Variants in HLA-DRB1 observed in about 807,000 individuals in gnomAD.
The protein encoded by HLA-DRB1 is major histocompatibility complex, class II, DR beta 1.
HLA-DRB1 carries 10 observed loss-of-function variants against 27.9 expected under a neutral mutation model. The observed-to-expected ratio is 0.36, with a 90% CI of 0.22 to 0.61. The LOEUF is 0.61. Ranked by LOEUF, HLA-DRB1 falls within the 20% of genes least tolerant of loss-of-function variation. The pLI, the probability that HLA-DRB1 is intolerant of heterozygous loss-of-function variation, is 0.73. For missense variants in HLA-DRB1, 118 were observed against 306.3 expected, an observed-to-expected ratio of 0.39 and a Z score of 4.59; for synonymous variants, 57 against 126.7, an observed-to-expected ratio of 0.45 and a Z score of 3.69.
At chr6:32,581,391 T>C (rs796249553) in intron 3 of HLA-DRB1, among the ~76,000 whole-genome samples, 166 bp downstream of exon 3, 1,705 of 59,908 alleles carry the variant, frequency 0.028, no homozygotes, top group East Asian at 0.049. Flanking sequence ...GGTACAGGTG[T>C]TTCTAGAAAC....
intron 1 of HLA-DRB1, among the ~76,000 whole-genome samples, chr6:32,584,686 G>C (rs41287319): frequency 0.44 from 45,114 of 102,430 alleles, 8,132 homozygotes; most frequent in Middle Eastern, 0.49. Context: ...CGCAGCCCGC[G>C]CCGCCTCCTC....
chr6:32,587,584 G>T (rs28724150), intron 1 of HLA-DRB1, among the ~76,000 whole-genome samples: 11,971 of 52,582 alleles, frequency 0.23, 2,044 homozygotes, highest in Middle Eastern at 0.47. Context: ...AACACATCAG[G>T]GCTTTCCCCC....
intron 1 of HLA-DRB1, among the ~76,000 whole-genome samples, chr6:32,584,813 G>C (rs112530924): frequency 0.17 from 14,590 of 86,486 alleles, 627 homozygotes; most frequent in Admixed American, 0.22. Flanking sequence ...CTTGTGCCAG[G>C]CCTGCGCTGC....
intron 1 of HLA-DRB1, among the ~76,000 whole-genome samples, chr6:32,587,771 C>A (rs35205687): frequency 0.031 from 3,111 of 100,992 alleles, 142 homozygotes; most frequent in East Asian, 0.043. Flanking sequence ...CACTATGACT[C>A]TCTAACATTA....
At chr6:32,586,398 T>G (rs1179142014) in intron 1 of HLA-DRB1, among the ~76,000 whole-genome samples, 1 of 95,528 alleles carries the variant, frequency 1.0e-5, no homozygotes, top group Non-Finnish European at 2.1e-5. Flanking sequence ...TGCTTCTCTA[T>G]CATATTCTCA....
At chr6:32,585,886 C>G (rs34700166) in intron 1 of HLA-DRB1, among the ~76,000 whole-genome samples, 1 of 110,526 alleles carries the variant, frequency 9.0e-6, no homozygotes, top group African/African-American at 3.7e-5. Flanking sequence ...ACAGATACAA[C>G]AGGATCATTA....
intron 2 of HLA-DRB1, among the ~76,000 whole-genome samples, 173 bp from the exon 3 acceptor site, chr6:32,582,011 G>C (rs370953466): frequency 0.012 from 1,530 of 126,604 alleles, 38 homozygotes; most frequent in South Asian, 0.042. Context: ...TTGACAGTGA[G>C]GACCCATTAG....
At chr6:32,586,523 T>C (rs9270088) in intron 1 of HLA-DRB1, among the ~76,000 whole-genome samples, 28,680 of 50,878 alleles carry the variant, frequency 0.56, 11,463 homozygotes, top group Middle Eastern at 0.71. Context: ...TCCAGCATCC[T>C]TGGGCTCTTT....
intron 1 of HLA-DRB1, among the ~76,000 whole-genome samples, chr6:32,584,814 C>T (rs9269991): frequency 0.14 from 12,064 of 84,114 alleles, 101 homozygotes; most frequent in East Asian, 0.2. Flanking sequence ...TTGTGCCAGG[C>T]CTGCGCTGCC....
chr6:32,584,076 G>A (rs9269938), intron 2 of HLA-DRB1, 33 bp downstream of exon 2: 177,346 of 386,996 alleles, frequency 0.46, 80,487 homozygotes, highest in Admixed American at 0.81. Context: ...CCCAGCTCAC[G>A]GGGACTCAGG....
At chr6:32,588,768 A>G (rs28724209) in intron 1 of HLA-DRB1, among the ~76,000 whole-genome samples, 3 of 67,544 alleles carry the variant, frequency 4.4e-5, no homozygotes, top group East Asian at 5.5e-4. Flanking sequence ...TAAATTTCTG[A>G]TAGTTGATTA....
intron 1 of HLA-DRB1, among the ~76,000 whole-genome samples, chr6:32,587,407 A>ATAGG (rs1554129452): frequency 0.07 from 3,674 of 52,184 alleles, 1,489 homozygotes; most frequent in Middle Eastern, 0.23. Flanking sequence ...AAACAAACAA[A>ATAGG]TAAATAAATA....
chr6:32,589,439 A>C (rs9270275), intron 1 of HLA-DRB1, among the ~76,000 whole-genome samples: 701 of 70,340 alleles, frequency 1.0e-2, no homozygotes, highest in Middle Eastern at 0.027. Context: ...GATTTGTGCA[A>C]AGGCCCCTTA....
chr6:32,582,112 CAG>C (rs1775624037), intron 2 of HLA-DRB1, among the ~76,000 whole-genome samples: 4 of 61,976 alleles, frequency 6.5e-5, no homozygotes, highest in South Asian at 5.5e-4. Flanking sequence ...TTGGAAAGTA[CAG>C]AGTGTAGTAA....
rs1775205346 is a variant in HLA-DRB1 at position 32,579,964 on chromosome 6, G to A, written c.787+283C>T. Reference sequence around the variant, plus strand: ...TAAAAATACAAAAAATTAGCCGGGCGTAGTGGCGGGCGCCTGTAGTCCCAG... The same window carrying A: ...TAAAAATACAAAAAATTAGCCGGGCATAGTGGCGGGCGCCTGTAGTCCCAG... On this transcript the variant is annotated intron_variant, in intron 5 of 5. Transcript: ENST00000360004. Among the ~76,000 whole-genome samples the A allele has an allele frequency of 5.8e-5, 2 of 34,248 alleles. 1 individual carries two copies. Among genetic ancestry groups the A allele is most frequent in the African/African-American group, 2.2e-4 (2 of 9,250 alleles). The allele number at this position is 34,248 out of a possible 152,430, so 22.5% of individuals were successfully genotyped here.
intron 1 of HLA-DRB1, among the ~76,000 whole-genome samples, 177 bp from the exon 2 acceptor site, chr6:32,584,555 G>C (rs1363191487): frequency 6.6e-6 from 1 of 150,842 alleles, no homozygotes; most frequent in African/African-American, 2.4e-5. Context: ...GAGGCGAACG[G>C]GGGCCTGGGG....
exon 2 of HLA-DRB1, chr6:32,584,333 C>G (rs17879469): frequency 2.5e-6 from 3 of 1,206,576 alleles, no homozygotes; most frequent in East Asian, 2.5e-5. Flanking sequence ...CCGCTCCGTC[C>G]CATTGAAGAA....
exon 6 of HLA-DRB1, chr6:32,578,828 A>G: frequency 2.8e-6 from 1 of 358,190 alleles, no homozygotes; most frequent in Non-Finnish European, 5.1e-6. Flanking sequence ...CAGGGTGAAT[A>G]CAGATGCACG....
chr6:32,585,643 G>A (rs1776288392), intron 1 of HLA-DRB1, among the ~76,000 whole-genome samples: 1 of 131,008 alleles, frequency 7.6e-6, no homozygotes, highest in African/African-American at 3.0e-5. Context: ...TCTTCTATTA[G>A]TTTCATAAAG....
Sources: gnomAD v4.1 joint callset for allele counts (sites outside exome capture counted in the v4.1 genomes callset) on GRCh38, gnomAD v4.1.1 for gene constraint, MANE v1.5 for transcripts, NCBI Gene and HGNC (gene_info 2026-07-23, HGNC 2026-07-21) for gene names.